TPRX1: variants seen among roughly 807,000 people sequenced by gnomAD.
The protein encoded by TPRX1 is tetrapeptide repeat homeobox 1, also known as tetra-peptide repeat homeobox protein 1.
TPRX1 carries 2 observed loss-of-function variants against 8.1 expected under a neutral mutation model. That is an observed-to-expected ratio of 0.25 (90% CI 0.10 to 0.78). The LOEUF is 0.78. TPRX1 is among the 30% of genes least tolerant of loss of function. TPRX1 has a pLI of 0.70. For missense variants in TPRX1, 517 were observed against 586.9 expected (o/e 0.88, Z 1.23); for synonymous variants, 257 against 254.1 (o/e 1.01, Z -0.11).
intron 2 of TPRX1, among the ~76,000 whole-genome samples, chr19:47,818,306 CCAT>C (rs1437113472): frequency 2.9e-5 from 4 of 136,394 alleles, no homozygotes; most frequent in African/African-American, 8.8e-5. Flanking sequence ...ATCCACCCAT[CCAT>C]CACCCATCCA....
intron 2 of TPRX1, among the ~76,000 whole-genome samples, chr19:47,813,554 G>T (rs1480321480): frequency 6.6e-6 from 1 of 152,120 alleles, no homozygotes; most frequent in Non-Finnish European, 1.5e-5. Flanking sequence ...CGGGGAGCAA[G>T]ATCTCTCAGC....
chr19:47,818,626 C>A, intron 1 of TPRX1: 1 of 450,472 alleles, frequency 2.2e-6, no homozygotes, highest in Non-Finnish European at 4.5e-6. Context: ...TAAGGGGGTG[C>A]AGGTATGAGG....
chr19:47,811,697 C>A (rs1286810456), intron 2 of TPRX1, among the ~76,000 whole-genome samples: 1 of 151,480 alleles, frequency 6.6e-6, no homozygotes, highest in Non-Finnish European at 1.5e-5. Flanking sequence ...TGGGGTTTCA[C>A]CATATTGGCC....
At chr19:47,803,739 GT>G (rs1340070699) in intron 2 of TPRX1, 66 bp from the exon 2 acceptor site, 1 of 757,138 alleles carries the variant, frequency 1.3e-6, no homozygotes, top group Non-Finnish European at 2.1e-6. Context: ...TAGGGACCCC[GT>G]CCCCTGCACC....
intron 2 of TPRX1, among the ~76,000 whole-genome samples, chr19:47,812,346 C>T (rs569674348): frequency 5.3e-5 from 8 of 152,124 alleles, no homozygotes; most frequent in Admixed American, 4.6e-4. Flanking sequence ...CCTGTAATCC[C>T]AGCACCTTGG....
At position 47,808,642 on chromosome 19, in the gene TPRX1, G is replaced by A. The variant is rs1267437422; in HGVS notation, c.152-4969C>T. On this transcript the variant is annotated intron_variant, in intron 2 of 3. Transcript: ENST00000535759. ...TAATTTTTATTTTATTTTTAGTAGA[G>A]ATGGGGTTTCACCATGTTGGCCAGG... Among the ~76,000 whole-genome samples, 10 of 130,336 alleles carry A rather than the reference G, an allele frequency of 7.7e-5. 1 individual carries two copies. The allele number at this position is 130,336 out of a possible 152,430, so 85.5% of individuals were successfully genotyped here.
chr19:47,815,162 A>ATATGCAAATATATATATATATAT (rs1360730858), intron 2 of TPRX1, among the ~76,000 whole-genome samples: 2 of 74,706 alleles, frequency 2.7e-5, no homozygotes, highest in African/African-American at 5.1e-5. Context: ...ATATATATAT[A>ATATGCAAATATATATATATATAT]TTTTTTTTTT....
At chr19:47,818,309 TCAC>T (rs1272531467) in intron 2 of TPRX1, among the ~76,000 whole-genome samples, 1 of 76,644 alleles carries the variant, frequency 1.3e-5, no homozygotes, top group Admixed American at 1.4e-4. Flanking sequence ...CACCCATCCA[TCAC>T]CCATCCATCC....
intron 3 of TPRX1, 87 bp from the exon 3 acceptor site, chr19:47,803,067 C>A: frequency 1.4e-6 from 2 of 1,429,280 alleles, no homozygotes; most frequent in South Asian, 2.9e-5. Context: ...CAGCCTGAAG[C>A]CTCTCCCTGT....
exon 4 of TPRX1, chr19:47,802,946 C>G (rs781741904): frequency 4.4e-5 from 68 of 1,553,460 alleles, no homozygotes; most frequent in Non-Finnish European, 5.6e-5. Context: ...CCGCCGCTCC[C>G]GAGCTAGTTT....
chr19:47,808,294 T>C (rs1194416898), intron 2 of TPRX1, among the ~76,000 whole-genome samples: 2 of 152,042 alleles, frequency 1.3e-5, no homozygotes, highest in African/African-American at 4.8e-5. Flanking sequence ...TTTGTATTTT[T>C]AGTAGAGACG....
chr19:47,801,519 CAGCA>C, exon 4 of TPRX1: 1 of 426,422 alleles, frequency 2.3e-6, no homozygotes, highest in East Asian at 4.0e-5. Context: ...AGCTCTCGAG[CAGCA>C]TCCACTAATG....
exon 4 of TPRX1, chr19:47,802,397 C>T (rs73036913): frequency 0.096 from 121,396 of 1,261,720 alleles, 5,941 homozygotes; most frequent in Non-Finnish European, 0.11. Context: ...TGGGATCGGG[C>T]CTGGGATCGG....
exon 4 of TPRX1, chr19:47,802,836 G>T: frequency 6.2e-7 from 1 of 1,600,522 alleles, no homozygotes; most frequent in Non-Finnish European, 8.5e-7. Flanking sequence ...ATTCCCGAGG[G>T]GCCCCGCTGA....
chr19:47,802,429 C>CGGGCCTGAGATT (rs1210472401), exon 4 of TPRX1: 44 of 1,240,520 alleles, frequency 3.5e-5, no homozygotes, highest in Non-Finnish European at 4.3e-5. Flanking sequence ...GGCCTGGGAT[C>CGGGCCTGAGATT]GGGCCTGAGA....
intron 2 of TPRX1, among the ~76,000 whole-genome samples, chr19:47,807,126 G>A (rs1264570918): frequency 1.3e-5 from 2 of 152,114 alleles, no homozygotes; most frequent in African/African-American, 4.8e-5. Flanking sequence ...GGCTGGCCTC[G>A]AATGCCTGAC....
At chr19:47,815,164 T>TATA (rs1228376903) in intron 2 of TPRX1, among the ~76,000 whole-genome samples, 12 of 49,900 alleles carry the variant, frequency 2.4e-4, no homozygotes, top group South Asian at 5.4e-4. Flanking sequence ...ATATATATAT[T>TATA]TTTTTTTTTT....
At chr19:47,801,768 A>G (rs1241965235) in exon 4 of TPRX1, 41 of 1,605,002 alleles carry the variant, frequency 2.6e-5, no homozygotes, top group Admixed American at 6.8e-5. Flanking sequence ...TTGCAGGCAC[A>G]GGCCCCCTAT....
chr19:47,815,624 C>T (rs949968614), intron 2 of TPRX1, among the ~76,000 whole-genome samples: 2 of 104,232 alleles, frequency 1.9e-5, no homozygotes, highest in Non-Finnish European at 3.7e-5. Flanking sequence ...GCCTGGGCAA[C>T]ATAATGAGAC....
Sources: gnomAD v4.1 joint callset for allele counts (sites outside exome capture counted in the v4.1 genomes callset) on GRCh38, gnomAD v4.1.1 for gene constraint, MANE v1.5 for transcripts, NCBI Gene and HGNC (gene_info 2026-07-23, HGNC 2026-07-21) for gene names.